The following RBFOX1 variants were observed in gnomAD, a reference collection of about 807,000 sequenced individuals.
RBFOX1 encodes RNA binding fox-1 homolog 1.
A neutral mutation model predicts 57.7 loss-of-function variants in RBFOX1; 8 were observed. The ratio of observed to expected loss-of-function variants is 0.14; its 90% CI spans 0.08 to 0.25. RBFOX1 has a LOEUF of 0.25. RBFOX1 is among the 10% of genes least tolerant of loss of function. RBFOX1 has a pLI of 1.00. For synonymous variants in RBFOX1, 326 were observed against 222.4 expected (o/e 1.47, Z -4.15); for missense variants, 611 against 548.5 (o/e 1.11, Z -1.14).
At chr16:7,540,250 C>A (rs942091806) in intron 5 of RBFOX1, among the ~76,000 whole-genome samples, 3 of 152,140 alleles carry the variant, frequency 2.0e-5, no homozygotes, top group African/African-American at 7.2e-5. Flanking sequence ...CTCGCTGTTT[C>A]CCTCGCTGGA....
At chr16:7,108,402 A>C (rs377023050) in intron 4 of RBFOX1, among the ~76,000 whole-genome samples, 2 of 152,222 alleles carry the variant, frequency 1.3e-5, no homozygotes, top group African/African-American at 2.4e-5. Flanking sequence ...AGTGTAATGC[A>C]ATATAAGACT....
intron 2 of RBFOX1, chr16:6,483,585 G>T: frequency 2.0e-6 from 3 of 1,532,934 alleles, no homozygotes; most frequent in Non-Finnish European, 2.6e-6. Context: ...TGTCAGGGAA[G>T]GAGAGAAAGA....
At chr16:5,761,498 G>A (rs1210984289) in intron 3 of RBFOX1, among the ~76,000 whole-genome samples, 2 of 152,190 alleles carry the variant, frequency 1.3e-5, no homozygotes, top group Non-Finnish European at 2.9e-5. Flanking sequence ...TGGCTTGGGA[G>A]TCCTCACAAT....
chr16:6,216,056 G>A (rs564435198), intron 1 of RBFOX1, among the ~76,000 whole-genome samples: 8 of 152,212 alleles, frequency 5.3e-5, no homozygotes, highest in South Asian at 2.1e-4. Context: ...GCATGTTCTC[G>A]CTTGTAAGAG....
intron 4 of RBFOX1, among the ~76,000 whole-genome samples, chr16:7,207,385 C>A (rs2090208381): frequency 6.6e-6 from 1 of 152,124 alleles, no homozygotes; most frequent in Admixed American, 6.6e-5. Context: ...ATTTCTCTCT[C>A]CGTTAGGTTC....
chr16:6,395,760 A>G (rs987156653), intron 2 of RBFOX1, among the ~76,000 whole-genome samples: 1 of 152,170 alleles, frequency 6.6e-6, no homozygotes, highest in Admixed American at 6.6e-5. Flanking sequence ...ATATATTTCA[A>G]TAAAGCTGTT....
chr16:6,496,426 A>G (rs1475824202), intron 2 of RBFOX1, among the ~76,000 whole-genome samples: 2 of 152,170 alleles, frequency 1.3e-5, no homozygotes, highest in East Asian at 1.9e-4. Context: ...GTGTTTCTAA[A>G]CAGCTAGAAC....
chr16:5,923,412 T>C (rs1315813055), intron 4 of RBFOX1, among the ~76,000 whole-genome samples: 1 of 151,814 alleles, frequency 6.6e-6, no homozygotes, highest in Non-Finnish European at 1.5e-5. Context: ...CCTTCAGGAT[T>C]AGCCCCAGCT....
chr16:6,894,263 C>G (rs2066223672), intron 3 of RBFOX1, among the ~76,000 whole-genome samples: 1 of 152,160 alleles, frequency 6.6e-6, no homozygotes, highest in South Asian at 2.1e-4. Context: ...CATTTCAGCA[C>G]AGTTTCATAA....
chr16:5,810,104 T>G (rs2055367275), intron 3 of RBFOX1, among the ~76,000 whole-genome samples: 1 of 149,690 alleles, frequency 6.7e-6, no homozygotes, highest in Non-Finnish European at 1.5e-5. Context: ...ATATTCTCAC[T>G]CACAGGTGGG....
intron 1 of RBFOX1, among the ~76,000 whole-genome samples, chr16:6,243,518 C>T (rs138365031): frequency 6.6e-6 from 1 of 152,266 alleles, no homozygotes; most frequent in African/African-American, 2.4e-5. Context: ...GAGGCATCTT[C>T]TGTGTTATCC....
intron 4 of RBFOX1, among the ~76,000 whole-genome samples, chr16:7,129,082 G>A (rs867766113): frequency 6.6e-6 from 1 of 152,170 alleles, no homozygotes; most frequent in Middle Eastern, 3.4e-3. Flanking sequence ...GCCTCCCAAA[G>A]TGCTGGGATT....
chr16:5,273,174 C>T (rs542834779), intron 1 of RBFOX1, among the ~76,000 whole-genome samples: 1 of 151,378 alleles, frequency 6.6e-6, no homozygotes, highest in African/African-American at 2.4e-5. Flanking sequence ...ATTGCCCAAA[C>T]TTGGGCTGGT....
At chr16:5,919,800 G>T (rs945611363) in intron 4 of RBFOX1, among the ~76,000 whole-genome samples, 4 of 152,160 alleles carry the variant, frequency 2.6e-5, no homozygotes, top group Admixed American at 6.5e-5. Flanking sequence ...AGCCCTGGAA[G>T]TTACTCATCT....
intron 5 of RBFOX1, among the ~76,000 whole-genome samples, chr16:7,536,373 C>G (rs933617332): frequency 9.2e-5 from 14 of 152,162 alleles, no homozygotes; most frequent in African/African-American, 3.1e-4. Flanking sequence ...GTGGGTGGAT[C>G]TCTTGAGGCA....
At chr16:7,401,723 G>A (rs1310970667) in intron 4 of RBFOX1, among the ~76,000 whole-genome samples, 2 of 152,170 alleles carry the variant, frequency 1.3e-5, no homozygotes, top group African/African-American at 4.8e-5. Flanking sequence ...GTGAGGTAAT[G>A]AGGAAATGTA....
chr16:6,469,274 T>C (rs1030462001), intron 2 of RBFOX1, among the ~76,000 whole-genome samples: 6 of 152,202 alleles, frequency 3.9e-5, no homozygotes, highest in Non-Finnish European at 8.8e-5. Context: ...ACTGAAATTG[T>C]TGCCTCTCAC....
At chr16:5,663,922 G>A (rs1865197998) in intron 3 of RBFOX1, among the ~76,000 whole-genome samples, 1 of 152,130 alleles carries the variant, frequency 6.6e-6, no homozygotes, top group African/African-American at 2.4e-5. Flanking sequence ...GAAGCAAATG[G>A]GGCAGTCGCC....
At chr16:7,073,740 T>A (rs1451987969) in intron 4 of RBFOX1, among the ~76,000 whole-genome samples, 4 of 151,976 alleles carry the variant, frequency 2.6e-5, no homozygotes, top group Non-Finnish European at 5.9e-5. Flanking sequence ...GCACATGCCC[T>A]TGGTACCAGT....
Sources: allele counts gnomAD v4.1 joint callset (sites outside exome capture counted in the v4.1 genomes callset), GRCh38; gene constraint gnomAD v4.1.1; transcripts MANE v1.5; gene names NCBI Gene and HGNC (gene_info 2026-07-23, HGNC 2026-07-21).